QRSL1: variants seen among roughly 807,000 people sequenced by gnomAD.
QRSL1 encodes the protein glutamyl-tRNA(Gln) amidotransferase subunit A, mitochondrial.
QRSL1 carries 54 observed loss-of-function variants against 61.6 expected under a neutral mutation model. The observed-to-expected ratio is 0.88, with a 90% confidence interval of 0.70 to 1.10. The LOEUF is 1.10. Ranked by LOEUF, QRSL1 falls within the 50% of genes least tolerant of loss-of-function variation. QRSL1 has a pLI of 0.00. For synonymous variants in QRSL1, 228 were observed against 225.7 expected, an observed-to-expected ratio of 1.01 and a Z score of -0.09; for missense variants, 505 against 622.6, an observed-to-expected ratio of 0.81 and a Z score of 2.01.
intron 4 of QRSL1, among the ~76,000 whole-genome samples, chr6:106,645,439 T>C (rs917562344): frequency 5.3e-4 from 81 of 152,070 alleles, no homozygotes; most frequent in Non-Finnish European, 1.9e-4. Flanking sequence ...CTTTTTTTTT[T>C]TGAGACAGAA....
chr6:106,663,022 C>T lies in QRSL1; in HGVS notation c.1203C>T (p.Arg401=), dbSNP rs139692220. ...NYFVKAQKVR[R]LIANDFVNAF... ...TTGTCAAAGCACAGAAAGTGAGACG[C>T]CTCATTGCTAATGACTTTGTAAATG... Residue 401 remains arginine (R), a synonymous_variant, in exon 10 of 11, where the codon CGC becomes CGT. Coordinates refer to ENST00000369046, the MANE Select transcript of QRSL1 (RefSeq NM_018292.5). 1.2e-6 allele frequency: 2 copies of T among 1,612,828 alleles called. No homozygotes were observed. The highest frequency in any genetic ancestry group is 1.3e-5 in the African/African-American group (1 of 74,906).
chr6:106,642,464 T>A (rs2114704100), intron 3 of QRSL1: 2 of 651,164 alleles, frequency 3.1e-6, no homozygotes, highest in Middle Eastern at 7.2e-4. Context: ...ACCAAAATGA[T>A]GAACACAAAG....
At chr6:106,652,441 T>A (rs1325813775) in intron 6 of QRSL1, 26 bp from the exon 7 acceptor site, 6 of 1,613,488 alleles carry the variant, frequency 3.7e-6, no homozygotes. Context: ...AATATATCTG[T>A]CATTCATAAG....
In QRSL1 at chr6:106,667,495, A is replaced by T. The variant is rs1168806371; in HGVS notation, c.*1493A>T. 1.3e-5 allele frequency: 2 copies of T among 152,238 alleles called. No homozygotes were observed. Among genetic ancestry groups the T allele is most frequent in the Non-Finnish European group, 2.9e-5 (2 of 68,042 alleles). 9.4% of individuals were successfully genotyped at this position (152,238 alleles called of 1,614,324 possible). A position where few individuals can be genotyped will look rare whatever the true frequency, so the allele number is the denominator to read the frequency against. ...TCTAGCACTTACATATTGTTGATAAATGAAAGCTGAATTGTTACTTAATAA... is the reference window on the plus strand; with the variant it reads ...TCTAGCACTTACATATTGTTGATAATTGAAAGCTGAATTGTTACTTAATAA... On this transcript the variant is annotated 3_prime_UTR_variant, in exon 11 of 11. Transcript: ENST00000369046.
intron 1 of QRSL1, among the ~76,000 whole-genome samples, chr6:106,632,004 C>T (rs1776843188): frequency 6.6e-6 from 1 of 152,196 alleles, no homozygotes; most frequent in Non-Finnish European, 1.5e-5. Context: ...TCTACTCTAC[C>T]TCCACGAGGT....
At chr6:106,662,283 A>G (rs1034609825) in intron 9 of QRSL1, among the ~76,000 whole-genome samples, 1 of 152,136 alleles carries the variant, frequency 6.6e-6, no homozygotes, top group Non-Finnish European at 1.5e-5. Flanking sequence ...TTCCTCACCA[A>G]TGAATATTCT....
Position 106,633,406 on chromosome 6 carries a change from G to A in QRSL1, c.24+3701G>A, listed in dbSNP as rs201221054. Among the ~76,000 whole-genome samples the A allele has an allele frequency of 5.3e-5, 8 of 152,176 alleles. No individual in the cohort carries two copies. In the East Asian group the frequency reaches 1.5e-3, roughly 29 times the overall value. On this transcript the variant is annotated intron_variant, in intron 1 of 10. Coordinates refer to ENST00000369046, the MANE Select transcript of QRSL1 (RefSeq NM_018292.5). Reference sequence around the variant, plus strand: ...CCACCCATTGTTGTAAATTATAACAGTTCAAATTTCTTCATAATACCTTAA... The same window carrying A: ...CCACCCATTGTTGTAAATTATAACAATTCAAATTTCTTCATAATACCTTAA...
intron 9 of QRSL1, among the ~76,000 whole-genome samples, chr6:106,659,167 A>G (rs1306894448): frequency 1.3e-5 from 2 of 152,128 alleles, no homozygotes; most frequent in Non-Finnish European, 2.9e-5. Flanking sequence ...CTTCTTGAAC[A>G]TATAGAACAT....
chr6:106,656,793 A>T (rs185080239), intron 9 of QRSL1, among the ~76,000 whole-genome samples: 199 of 152,294 alleles, frequency 1.3e-3, no homozygotes, highest in African/African-American at 4.7e-3. Flanking sequence ...AGTAGCTGGA[A>T]CTACAAGCTT....
intron 9 of QRSL1, among the ~76,000 whole-genome samples, chr6:106,657,205 G>T (rs979449315): frequency 6.6e-6 from 1 of 151,916 alleles, no homozygotes; most frequent in African/African-American, 2.4e-5. Flanking sequence ...GGAGGCAGAG[G>T]TTGCAGTGAG....
At chr6:106,663,954 C>G (rs1777397663) in intron 10 of QRSL1, among the ~76,000 whole-genome samples, 1 of 152,168 alleles carries the variant, frequency 6.6e-6, no homozygotes, top group Non-Finnish European at 1.5e-5. Flanking sequence ...CACCCACACT[C>G]ACCACACAAA....
intron 1 of QRSL1, chr6:106,640,116 A>G (rs929924320): frequency 3.1e-5 from 12 of 385,882 alleles, no homozygotes; most frequent in Admixed American, 2.1e-4. Flanking sequence ...CTTTGAAACC[A>G]AAAGTTGGCT....
In QRSL1 at chr6:106,666,152, A is replaced by C; in HGVS notation, c.*150A>C. 1 of 652,844 alleles carries C rather than the reference A, an allele frequency of 1.5e-6. No homozygotes were observed. The highest frequency in any genetic ancestry group is 1.8e-5 in the African/African-American group (1 of 54,698). The allele number at this position is 652,844 out of a possible 1,614,324, so 40.4% of individuals were successfully genotyped here. ...CATGGTGAAACCCCGTCTCTACTAA[A>C]AATACAAAAATTAGCCAGGCTTAGT... On this transcript the variant is annotated 3_prime_UTR_variant, in exon 11 of 11. Transcript: ENST00000369046.
chr6:106,663,023 C>T lies in QRSL1; in HGVS notation c.1204C>T (p.Leu402Phe). 6.2e-7 allele frequency: 1 copy of T among 1,613,016 alleles called. No homozygotes were observed. The highest frequency in any genetic ancestry group is 8.5e-7 in the Non-Finnish European group (1 of 1,178,960). Residue 402 changes from leucine to phenylalanine, a missense_variant, in exon 10 of 11, where the codon CTC becomes TTC. Coordinates refer to ENST00000369046, the MANE Select transcript of QRSL1 (RefSeq NM_018292.5). ...TGTCAAAGCACAGAAAGTGAGACGC[C>T]TCATTGCTAATGACTTTGTAAATGC... ...YFVKAQKVRRLIANDFVNAFN... is the reference protein window; with the variant it reads ...YFVKAQKVRRFIANDFVNAFN...
intron 4 of QRSL1, among the ~76,000 whole-genome samples, chr6:106,646,635 A>AG (rs1017915354): frequency 1.8e-4 from 26 of 147,044 alleles, no homozygotes; most frequent in Admixed American, 5.4e-4. Context: ...CTGTCTCTAC[A>AG]GAAAAAAAAA....
At chr6:106,655,033 A>G (rs1466642785) in intron 8 of QRSL1, 111 bp downstream of exon 8, 1 of 1,020,068 alleles carries the variant, frequency 9.8e-7, no homozygotes, top group Non-Finnish European at 1.4e-6. Flanking sequence ...TGATTCAGAA[A>G]AGTTCATCAG....
At chr6:106,651,639 A>G (rs1777188893) in intron 5 of QRSL1, among the ~76,000 whole-genome samples, 1 of 152,214 alleles carries the variant, frequency 6.6e-6, no homozygotes, top group Admixed American at 6.5e-5. Flanking sequence ...AAGAGTTTAA[A>G]TTATTAAACA....
In QRSL1 at chr6:106,632,841, A is replaced by T. The variant is rs112261287; in HGVS notation, c.24+3136A>T. Among the ~76,000 whole-genome samples, 737 of 152,202 alleles carry T rather than the reference A, an allele frequency of 4.8e-3. 6 individuals are homozygous for T. Among genetic ancestry groups the T allele is most frequent in the African/African-American group, 0.017 (692 of 41,516 alleles). ...TCCTGTTGAGTTGTTTGAACTCCTT[A>T]TATACTTCGGTTATCAATCCCTTGT... On this transcript the variant is annotated intron_variant, in intron 1 of 10. Transcript: ENST00000369046.
chr6:106,661,775 G>A (rs1175256328), intron 9 of QRSL1, among the ~76,000 whole-genome samples: 3 of 122,186 alleles, frequency 2.5e-5, no homozygotes, highest in East Asian at 2.9e-4. Flanking sequence ...GCAATGGAGC[G>A]ATCCCAGCTC....
Sources: allele counts gnomAD v4.1 joint callset (sites outside exome capture counted in the v4.1 genomes callset), GRCh38; gene constraint gnomAD v4.1.1; transcripts MANE v1.5; gene names NCBI Gene and HGNC (gene_info 2026-07-23, HGNC 2026-07-21).